ZNF248: variants seen among roughly 807,000 people sequenced by gnomAD.
ZNF248 encodes zinc finger protein 248.
ZNF248 carries 20 observed loss-of-function variants against 44.3 expected under a neutral mutation model. The ratio of observed to expected loss-of-function variants is 0.45; its 90% CI spans 0.32 to 0.66. The LOEUF (loss-of-function observed/expected upper bound fraction) is 0.66, where lower values mean the gene tolerates loss of function less well. Among genes scored for constraint, ZNF248 ranks in the 30% least tolerant of loss-of-function variants. The pLI, the probability that ZNF248 is intolerant of heterozygous loss-of-function variation, is 0.04. For synonymous variants in ZNF248, 224 were observed against 229.0 expected (o/e 0.98, Z 0.20); for missense variants, 654 against 677.0 (o/e 0.97, Z 0.38).
chr10:37,808,278 CTT>C (rs796239232), intron 6 of ZNF248, among the ~76,000 whole-genome samples: 1 of 137,580 alleles, frequency 7.3e-6, no homozygotes. Context: ...AACCTTTTTT[CTT>C]TTTTTTTTTT....
chr10:37,856,392 G>T, intron 2 of ZNF248, 43 bp downstream of exon 2: 1 of 1,603,604 alleles, frequency 6.2e-7, no homozygotes. Flanking sequence ...CTTGCAGTTC[G>T]GAGATTCACC....
intron 6 of ZNF248, among the ~76,000 whole-genome samples, chr10:37,801,056 C>T (rs2049752559): frequency 6.6e-6 from 1 of 151,760 alleles, no homozygotes; most frequent in Non-Finnish European, 1.5e-5. Context: ...GCCACTGTGC[C>T]CGGCCTAAAC....
intron 5 of ZNF248, among the ~76,000 whole-genome samples, chr10:37,835,135 A>AGAGAAAAG (rs1554838680): frequency 6.6e-6 from 1 of 152,106 alleles, no homozygotes; most frequent in Non-Finnish European, 1.5e-5. Flanking sequence ...GCTAAAAAAA[A>AGAGAAAAG]AGAGAAAAGA....
the ZNF248 span, among the ~76,000 whole-genome samples, chr10:37,759,624 T>A: frequency 6.6e-6 from 1 of 152,198 alleles, no homozygotes; most frequent in Admixed American, 6.5e-5. Context: ...GTGAAAGCTG[T>A]CAGCTAACCA....
chr10:37,760,731 G>C, the ZNF248 span, among the ~76,000 whole-genome samples: 1 of 152,066 alleles, frequency 6.6e-6, no homozygotes, highest in Non-Finnish European at 1.5e-5. Context: ...CTACTCAGGG[G>C]GCCGAGGCAG....
intron 3 of ZNF248, among the ~76,000 whole-genome samples, chr10:37,854,187 C>G (rs1467760771): frequency 6.6e-6 from 1 of 152,154 alleles, no homozygotes; most frequent in Non-Finnish European, 1.5e-5. Flanking sequence ...GAAGGACTTT[C>G]TAACTATGTC....
intron 6 of ZNF248, among the ~76,000 whole-genome samples, chr10:37,779,532 T>C (rs2047025817): frequency 6.6e-6 from 1 of 151,764 alleles, no homozygotes; most frequent in Admixed American, 6.6e-5. Flanking sequence ...ATAAGAGCTA[T>C]CTATGACAAA....
chr10:37,797,114 T>G (rs1260445361), intron 6 of ZNF248, among the ~76,000 whole-genome samples: 2 of 152,170 alleles, frequency 1.3e-5, no homozygotes, highest in South Asian at 2.1e-4. Flanking sequence ...ATATAAAGAT[T>G]AAGAAACTTG....
At chr10:37,815,672 C>A (rs2052332272) in intron 6 of ZNF248, among the ~76,000 whole-genome samples, 1 of 151,838 alleles carries the variant, frequency 6.6e-6, no homozygotes. Context: ...GTCATACTTT[C>A]TTGTTTCTTT....
In ZNF248 at chr10:37,832,322, C is replaced by T. The variant is rs766608571; in HGVS notation, c.1033G>A (p.Val345Ile). ...TCATAAGACTTTCCCCCCATGTGTACTATTTGATGTTTTAAGAGAGCTGAC... is the reference window on the plus strand; with the variant it reads ...TCATAAGACTTTCCCCCCATGTGTATTATTTGATGTTTTAAGAGAGCTGAC... Reference protein sequence around the residue: ...EKSALLKHQIVHMGGKSYDYN... With the variant: ...EKSALLKHQIIHMGGKSYDYN... The change falls in exon 6 of 6, where the codon GTA becomes ATA. Residue 345 changes from valine (V) to isoleucine (I), a missense_variant. Val to Ile is a conservative substitution (Grantham distance 29). Coordinates refer to ENST00000395867, the MANE Select transcript of ZNF248 (RefSeq NM_021045.3). 10 of 1,614,042 alleles carry T rather than the reference C, an allele frequency of 6.2e-6. No homozygotes were observed. The East Asian group carries it at 1.8e-4, about 29-fold the overall frequency.
intron 3 of ZNF248, among the ~76,000 whole-genome samples, chr10:37,853,347 AAAC>A (rs1165140855): frequency 6.6e-6 from 1 of 152,092 alleles, no homozygotes. Flanking sequence ...TTTAAGACAA[AAAC>A]AACAACAATC....
intron 5 of ZNF248, among the ~76,000 whole-genome samples, 171 bp downstream of exon 5, chr10:37,837,446 G>A (rs1474638227): frequency 6.6e-6 from 1 of 152,182 alleles, no homozygotes; most frequent in East Asian, 1.9e-4. Flanking sequence ...ATAACATATG[G>A]AGGAGTGATT....
intron 3 of ZNF248, among the ~76,000 whole-genome samples, chr10:37,852,470 G>T (rs2060446604): frequency 1.3e-5 from 2 of 151,946 alleles, no homozygotes; most frequent in South Asian, 4.2e-4. Context: ...GAGGAGTAGG[G>T]GTTGGCTGGG....
intron 6 of ZNF248, among the ~76,000 whole-genome samples, chr10:37,781,657 T>C (rs1028671762): frequency 2.6e-5 from 4 of 152,168 alleles, no homozygotes; most frequent in Non-Finnish European, 2.9e-5. Context: ...CTACCCACAT[T>C]TGGGAAAGTA....
In ZNF248 at chr10:37,831,308, T is replaced by C; in HGVS notation, c.*307A>G. 9.7e-6 allele frequency: 15 copies of C among 1,549,588 alleles called. No homozygotes were observed. The highest frequency in any genetic ancestry group is 1.3e-5 in the Non-Finnish European group (15 of 1,146,172). ...TCATTCAACTTTTATAAGCTTCAGA[T>C]TCCACTGTGAATATGGGTATAAATA... On this transcript the variant is annotated 3_prime_UTR_variant, in exon 6 of 6. Coordinates refer to ENST00000395867, the MANE Select transcript of ZNF248 (RefSeq NM_021045.3).
chr10:37,771,765 A>G (rs2046245482), downstream of ZNF248, among the ~76,000 whole-genome samples: 2 of 151,940 alleles, frequency 1.3e-5, no homozygotes, highest in South Asian at 2.1e-4. Context: ...CCTAAAACTT[A>G]AAGTATAATA....
intron 3 of ZNF248, among the ~76,000 whole-genome samples, chr10:37,840,504 A>G (rs2058139795): frequency 6.6e-6 from 1 of 152,224 alleles, no homozygotes; most frequent in Non-Finnish European, 1.5e-5. Context: ...ATTCAAAACA[A>G]TGACAGTATC....
chr10:37,824,672 A>ATTTTTTTTTTTTTTTTTTTTTTTT, downstream of ZNF248, among the ~76,000 whole-genome samples: 1 of 61,298 alleles, frequency 1.6e-5, no homozygotes, highest in African/African-American at 6.8e-5. Context: ...AATTATTTTA[A>ATTTTTTTTTTTTTTTTTTTTTTTT]ATTTTTTTTT....
rs1312160029 is a variant in ZNF248 at position 37,829,997 on chromosome 10, G to C, written c.*1618C>G. 15 of 985,378 alleles carry C rather than the reference G, an allele frequency of 1.5e-5. No individual in the cohort carries two copies. Among genetic ancestry groups the C allele is most frequent in the Non-Finnish European group, 1.8e-5 (15 of 829,936 alleles). The allele number at this position is 985,378 out of a possible 1,614,324, so 61.0% of individuals were successfully genotyped here. A position where few individuals can be genotyped will look rare whatever the true frequency, so the allele number is the denominator to read the frequency against. On this transcript the variant is annotated 3_prime_UTR_variant, in exon 6 of 6. Transcript: ENST00000395867. ...GCCATCATGTGGGCAGTGTCTCTTA[G>C]AACTGCTGACCAATGTGTTCCAAGG...
Sources: allele counts gnomAD v4.1 joint callset (sites outside exome capture counted in the v4.1 genomes callset), GRCh38; gene constraint gnomAD v4.1.1; transcripts MANE v1.5; gene names NCBI Gene and HGNC (gene_info 2026-07-23, HGNC 2026-07-21).